The following CPEB3 variants were observed in gnomAD, a reference collection of about 807,000 sequenced individuals.
CPEB3 encodes cytoplasmic polyadenylation element binding protein 3, also known as cytoplasmic polyadenylation element-binding protein 3.
Under a neutral mutation model 67.2 loss-of-function variants are expected in CPEB3, and 20 were observed. The ratio of observed to expected loss-of-function variants is 0.30; its 90% CI spans 0.21 to 0.43. The LOEUF is 0.43. Among genes scored for constraint, CPEB3 ranks in the 20% least tolerant of loss-of-function variants. The pLI is 1.00. For synonymous variants in CPEB3, 376 were observed against 393.1 expected, an observed-to-expected ratio of 0.96 and a Z score of 0.51; for missense variants, 746 against 968.6, an observed-to-expected ratio of 0.77 and a Z score of 3.05.
chr10:92,130,521 T>A (rs1389938463), intron 6 of CPEB3, among the ~76,000 whole-genome samples: 1 of 152,146 alleles, frequency 6.6e-6, no homozygotes, highest in Non-Finnish European at 1.5e-5. Context: ...ATATCCTCAA[T>A]GGGTCATTAA....
At chr10:92,110,992 AT>A in intron 7 of CPEB3, 83 bp downstream of exon 7, 1 of 994,916 alleles carries the variant, frequency 1.0e-6, no homozygotes, top group Non-Finnish European at 1.6e-6. Flanking sequence ...AGTTACCAGC[AT>A]TTCCATTATC....
At chr10:92,063,746 G>C (rs989980353) in intron 9 of CPEB3, among the ~76,000 whole-genome samples, 1 of 148,704 alleles carries the variant, frequency 6.7e-6, no homozygotes, top group African/African-American at 2.5e-5. Context: ...CCTGGTGACA[G>C]AGCGAGACTC....
Position 92,101,673 on chromosome 10 carries a change from A to G in CPEB3, c.1572+9403T>C, listed in dbSNP as rs533534341. Among the ~76,000 whole-genome samples the G allele has an allele frequency of 1.4e-4, 21 of 152,258 alleles. No homozygotes were observed. The South Asian group carries it at 1.7e-3, about 12-fold the overall frequency. ...TGTAATCCCAGCACTTTGGGAGGCC[A>G]AGGCAGGCAGATCACTTGAGGTCAG... On this transcript the variant is annotated intron_variant, in intron 7 of 9. Coordinates refer to ENST00000265997, the MANE Select transcript of CPEB3 (RefSeq NM_014912.5).
chr10:92,103,208 A>G (rs939794857), intron 7 of CPEB3, among the ~76,000 whole-genome samples: 5 of 152,168 alleles, frequency 3.3e-5, no homozygotes, highest in African/African-American at 1.2e-4. Context: ...CAAATTTCTG[A>G]TGCCACTAGG....
intron 1 of CPEB3, among the ~76,000 whole-genome samples, chr10:92,283,220 C>T (rs975707794): frequency 6.6e-6 from 1 of 152,134 alleles, no homozygotes; most frequent in Non-Finnish European, 1.5e-5. Flanking sequence ...CACTGCACTC[C>T]AGCCTGGGTG....
At chr10:92,119,044 T>A in intron 6 of CPEB3, 2 of 1,559,132 alleles carry the variant, frequency 1.3e-6, no homozygotes, top group Non-Finnish European at 1.8e-6. Flanking sequence ...ATACCTGGAA[T>A]GGGGTCTGAC....
intron 4 of CPEB3, among the ~76,000 whole-genome samples, chr10:92,174,448 A>G (rs532643699): frequency 8.5e-5 from 13 of 152,212 alleles, no homozygotes; most frequent in Admixed American, 2.0e-4. Flanking sequence ...AATAACCTAA[A>G]GTTCCAAGTT....
chr10:92,075,620 T>C (rs796132507), intron 9 of CPEB3, among the ~76,000 whole-genome samples: 3 of 152,304 alleles, frequency 2.0e-5, no homozygotes, highest in African/African-American at 7.2e-5. Flanking sequence ...CATGAGATTA[T>C]GGATGAGTGA....
chr10:92,238,958 C>T (rs1851674755), intron 2 of CPEB3, among the ~76,000 whole-genome samples: 2 of 152,152 alleles, frequency 1.3e-5, no homozygotes, highest in Admixed American at 1.3e-4. Context: ...ATTGCATAAC[C>T]TGAAATGTGT....
At chr10:92,236,575 C>G (rs1202496588) in intron 2 of CPEB3, among the ~76,000 whole-genome samples, 1 of 152,016 alleles carries the variant, frequency 6.6e-6, no homozygotes, top group Non-Finnish European at 1.5e-5. Context: ...TGGTGAAACC[C>G]TGCTTCTACT....
At chr10:92,289,734 T>A (rs12573385) in intron 1 of CPEB3, among the ~76,000 whole-genome samples, 11,481 of 47,240 alleles carry the variant, frequency 0.24, 1,265 homozygotes, top group African/African-American at 0.33. Context: ...AAAAAAAAAA[T>A]ATATATATAT....
In CPEB3 at chr10:92,283,722, CT is replaced by C. The variant is rs869248048; in HGVS notation, c.-12+7203del. Reference sequence around the variant, plus strand: ...GTCTATTTCTTTTTTCTTTTTCTTTCTTTTTTTTTTTTTTTTTTTTTTGAGA... The same window carrying C: ...GTCTATTTCTTTTTTCTTTTTCTTTCTTTTTTTTTTTTTTTTTTTTTGAGA... On this transcript the variant is annotated intron_variant, in intron 1 of 9. Coordinates refer to ENST00000265997, the MANE Select transcript of CPEB3 (RefSeq NM_014912.5). 9.9e-3 allele frequency among the ~76,000 whole-genome samples: 1,081 copies of C among 108,928 alleles called. 1 individual carries two copies. The highest frequency in any genetic ancestry group is 0.013 in the Non-Finnish European group (669 of 51,994). 71.5% of individuals were successfully genotyped at this position (108,928 alleles called of 152,430 possible). A position where few individuals can be genotyped will look rare whatever the true frequency, so the allele number is the denominator to read the frequency against.
chr10:92,142,961 TG>T lies in CPEB3; in HGVS notation c.1453+67del, dbSNP rs549934905. 13 of 1,072,590 alleles carry T rather than the reference TG, an allele frequency of 1.2e-5. 1 individual carries two copies. Among genetic ancestry groups the T allele is most frequent in the Non-Finnish European group, 1.8e-5 (13 of 718,344 alleles). 66.4% of individuals were successfully genotyped at this position (1,072,590 alleles called of 1,614,324 possible). Reference sequence around the variant, plus strand: ...ACAGCTATTTCAAGAGTTAAAAGGCTGCCTTTTATTGAACTGTCATGCTATC... The same window carrying T: ...ACAGCTATTTCAAGAGTTAAAAGGCTCCTTTTATTGAACTGTCATGCTATC... On this transcript the variant is annotated intron_variant, in intron 6 of 9. Coordinates refer to ENST00000265997, the MANE Select transcript of CPEB3 (RefSeq NM_014912.5).
intron 7 of CPEB3, among the ~76,000 whole-genome samples, chr10:92,098,425 C>G (rs1843999281): frequency 6.6e-6 from 1 of 151,992 alleles, no homozygotes; most frequent in African/African-American, 2.4e-5. Context: ...TCTCCTGCCT[C>G]AGCCTCCCAA....
chr10:92,217,702 C>T (rs527375697), intron 2 of CPEB3, among the ~76,000 whole-genome samples: 39 of 152,232 alleles, frequency 2.6e-4, no homozygotes, highest in African/African-American at 7.5e-4. Flanking sequence ...GCACAGGTTG[C>T]GGTGAGCCAA....
At position 92,161,317 on chromosome 10, in the gene CPEB3, G is replaced by C. The variant is rs527819583; in HGVS notation, c.1223-16232C>G. ...ACAGAGTTTCGCCCTTGTTGCCCAG[G>C]CTGGAGTGCAATGACATGATCTCGG... On this transcript the variant is annotated intron_variant, in intron 4 of 9. Coordinates refer to ENST00000265997, the MANE Select transcript of CPEB3 (RefSeq NM_014912.5). Among the ~76,000 whole-genome samples, 53 of 152,076 alleles carry C rather than the reference G, an allele frequency of 3.5e-4. 1 individual carries two copies. The highest frequency in any genetic ancestry group is 1.2e-3 in the African/African-American group (51 of 41,482).
intron 7 of CPEB3, among the ~76,000 whole-genome samples, chr10:92,097,714 C>G (rs1246280231): frequency 6.6e-6 from 1 of 152,124 alleles, no homozygotes; most frequent in Non-Finnish European, 1.5e-5. Context: ...TATTCCTTTT[C>G]AAGGTTTCCC....
At chr10:92,097,577 A>G (rs1378077682) in intron 7 of CPEB3, among the ~76,000 whole-genome samples, 4 of 152,198 alleles carry the variant, frequency 2.6e-5, no homozygotes, top group African/African-American at 9.7e-5. Context: ...AAAGACAAAA[A>G]CCAAACACAG....
chr10:92,091,322 C>G (rs1590114224), intron 8 of CPEB3, among the ~76,000 whole-genome samples: 1 of 152,078 alleles, frequency 6.6e-6, no homozygotes, highest in East Asian at 1.9e-4. Flanking sequence ...TATTAGGAGG[C>G]TGATGTACAG....
Sources: gnomAD v4.1 joint callset for allele counts (sites outside exome capture counted in the v4.1 genomes callset) on GRCh38, gnomAD v4.1.1 for gene constraint, MANE v1.5 for transcripts, NCBI Gene and HGNC (gene_info 2026-07-23, HGNC 2026-07-21) for gene names.